Variants in EIF2A observed in about 807,000 individuals in gnomAD.
EIF2A encodes the protein 65 kDa eukaryotic translation initiation factor 2A.
Under a neutral mutation model 75.2 loss-of-function variants are expected in EIF2A, and 62 were observed. The ratio of observed to expected loss-of-function variants is 0.82; its 90% CI spans 0.67 to 1.02. The LOEUF (loss-of-function observed/expected upper bound fraction) is 1.02, where lower values mean the gene tolerates loss of function less well. EIF2A is among the 50% of genes least tolerant of loss of function. The pLI, the probability that EIF2A is intolerant of heterozygous loss-of-function variation, is 0.00. For synonymous variants in EIF2A, 207 were observed against 239.0 expected (o/e 0.87, Z 1.23); for missense variants, 611 against 677.7 (o/e 0.90, Z 1.09).
Position 150,572,281 on chromosome 3 carries a change from C to T in EIF2A, c.1135C>T (p.Pro379Ser). The T allele has an allele frequency of 6.2e-7, 1 of 1,613,878 alleles. No individual in the cohort carries two copies. Among genetic ancestry groups the T allele is most frequent in the South Asian group, 1.1e-5 (1 of 91,072 alleles). The change falls in exon 10 of 14, where the codon CCC (proline) becomes TCC (serine). Residue 379 changes from proline to serine, a missense_variant. By Grantham distance (74) the Pro-to-Ser change is moderately conservative. Transcript: ENST00000460851. The stretch of plus-strand genomic sequence containing the variant: ...GCATATTTTAACAGCTACATGTGCT[C>T]CCAGGTTACGGGTTAATAATGGATA... Reference protein sequence around the residue: ...GEHILTATCAPRLRVNNGYKI... With the variant: ...GEHILTATCASRLRVNNGYKI...
At chr3:150,565,117 C>T in intron 6 of EIF2A, 1 of 445,648 alleles carries the variant, frequency 2.2e-6, no homozygotes, top group Non-Finnish European at 4.5e-6. Context: ...TTCACGTTTT[C>T]CCATAGTTTG....
intron 2 of EIF2A, chr3:150,552,865 A>G (rs1380597503): frequency 6.5e-6 from 1 of 153,144 alleles, no homozygotes; most frequent in African/African-American, 2.4e-5. Context: ...CCAAAGAAAC[A>G]ATGGACAAGT....
intron 1 of EIF2A, chr3:150,547,147 G>A (rs927131491): frequency 3.6e-5 from 15 of 414,634 alleles, no homozygotes; most frequent in South Asian, 8.1e-5. Flanking sequence ...CAATACTGGT[G>A]TTACACGGGC....
intron 12 of EIF2A, among the ~76,000 whole-genome samples, chr3:150,582,340 A>T (rs1725236210): frequency 1.3e-5 from 2 of 148,630 alleles, no homozygotes; most frequent in Non-Finnish European, 3.0e-5. Context: ...TTTGAGACAG[A>T]GTCTTGCTCT....
Position 150,552,442 on chromosome 3 carries a change from TAAGTA to T in EIF2A, c.98+19_98+23del. On this transcript the variant is annotated intron_variant, in intron 2 of 13. Coordinates refer to ENST00000460851, the MANE Select transcript of EIF2A (RefSeq NM_032025.5). ...GTTTCCAAGGTATGATTTATTTTGTTAAGTAATGTTATAGGGAACATACAGTACAA... is the reference window on the plus strand; with the variant it reads ...GTTTCCAAGGTATGATTTATTTTGTTATGTTATAGGGAACATACAGTACAA... 1 of 1,547,478 alleles carries T rather than the reference TAAGTA, an allele frequency of 6.5e-7. No individual in the cohort carries two copies. The highest frequency in any genetic ancestry group is 8.7e-7 in the Non-Finnish European group (1 of 1,143,532).
chr3:150,546,961 C>T, intron 1 of EIF2A, 131 bp downstream of exon 1: 2 of 1,283,050 alleles, frequency 1.6e-6, no homozygotes, highest in Non-Finnish European at 2.2e-6. Context: ...AAAGGCCAGA[C>T]TGTTGGCTTT....
At chr3:150,552,131 G>A (rs1327669133) in intron 1 of EIF2A, among the ~76,000 whole-genome samples, 2 of 152,190 alleles carry the variant, frequency 1.3e-5, no homozygotes, top group African/African-American at 2.4e-5. Flanking sequence ...TGGTGACAAA[G>A]TTTCGAGTTT....
chr3:150,550,089 T>A (rs1439698081), intron 1 of EIF2A, among the ~76,000 whole-genome samples: 2 of 152,056 alleles, frequency 1.3e-5, no homozygotes, highest in Non-Finnish European at 2.9e-5. Flanking sequence ...TATGTAGATG[T>A]TTAATGTATT....
chr3:150,555,233 T>G (rs1447072656), intron 2 of EIF2A, among the ~76,000 whole-genome samples: 1 of 149,556 alleles, frequency 6.7e-6, no homozygotes, highest in Admixed American at 6.7e-5. Context: ...CTGGCCTGTA[T>G]GCACATTATT....
chr3:150,574,614 ATAT>A (rs1469482249), intron 10 of EIF2A, among the ~76,000 whole-genome samples: 1 of 152,216 alleles, frequency 6.6e-6, no homozygotes, highest in Non-Finnish European at 1.5e-5. Flanking sequence ...GGTTCTCATA[ATAT>A]TCAGTTTGTT....
At chr3:150,566,717 G>C (rs910634001) in intron 6 of EIF2A, 3 of 151,916 alleles carry the variant, frequency 2.0e-5, no homozygotes, top group Non-Finnish European at 4.4e-5. Flanking sequence ...TATTCATTTG[G>C]TTTGTTCCAC....
chr3:150,567,506 T>C (rs1724251257), intron 6 of EIF2A, 187 bp from the exon 7 acceptor site: 4 of 505,742 alleles, frequency 7.9e-6, no homozygotes, highest in East Asian at 3.3e-5. Flanking sequence ...TGAGTAGAAA[T>C]TGAAGCCTAC....
At chr3:150,547,287 G>A (rs992723734) in intron 1 of EIF2A, 4 of 188,804 alleles carry the variant, frequency 2.1e-5, no homozygotes, top group African/African-American at 9.3e-5. Context: ...CCTTAATGAG[G>A]TTTGTAGGAC....
Position 150,583,187 on chromosome 3 carries a change from T to G in EIF2A, c.1627-13T>G. On this transcript the variant is annotated splice_polypyrimidine_tract_variant and intron_variant, in intron 12 of 13. Coordinates refer to ENST00000460851, the MANE Select transcript of EIF2A (RefSeq NM_032025.5). ...TTTCTTCCATGCTCTTGACTCATAT[T>G]TGATGTTTGCAGAAACTGAAAGCAA... The G allele has an allele frequency of 6.2e-7, 1 of 1,609,918 alleles. No individual in the cohort carries two copies. Among genetic ancestry groups the G allele is most frequent in the Non-Finnish European group, 8.5e-7 (1 of 1,178,738 alleles).
chr3:150,583,583 CCCT>C (rs897480651), intron 13 of EIF2A, among the ~76,000 whole-genome samples: 112 of 152,184 alleles, frequency 7.4e-4, no homozygotes, highest in African/African-American at 2.5e-3. Flanking sequence ...TTTGCCTTTT[CCCT>C]CCTCCTGTCA....
chr3:150,573,734 T>G (rs1044483191), intron 10 of EIF2A, among the ~76,000 whole-genome samples: 1 of 152,052 alleles, frequency 6.6e-6, no homozygotes, highest in Non-Finnish European at 1.5e-5. Flanking sequence ...GTCAAGAAAT[T>G]ACTAGAAACA....
rs187355523 is a variant in EIF2A at position 150,558,941 on chromosome 3, C to T, written c.173+479C>T. Among the ~76,000 whole-genome samples the T allele has an allele frequency of 1.7e-4, 26 of 152,086 alleles. No homozygotes were observed. The East Asian group carries it at 5.0e-3, about 29-fold the overall frequency. ...AGTATAATATATGTTACATAAAATA[C>T]CAGTTTACAAAATTGGTCTTGCACA... On this transcript the variant is annotated intron_variant, in intron 3 of 13. Coordinates refer to ENST00000460851, the MANE Select transcript of EIF2A (RefSeq NM_032025.5).
At chr3:150,582,008 T>G (rs922059678) in intron 12 of EIF2A, among the ~76,000 whole-genome samples, 2 of 145,020 alleles carry the variant, frequency 1.4e-5, no homozygotes, top group African/African-American at 5.0e-5. Flanking sequence ...TACTGAACAC[T>G]TTTTTTTTTT....
In EIF2A at chr3:150,564,314, A is replaced by G; in HGVS notation, c.408A>G (p.Ser136=). The change falls in exon 6 of 14, where the codon TCA becomes TCG. Residue 136 remains serine (S), a synonymous_variant. Transcript: ENST00000460851. ...KKMQNWCPSW[S]EDETLCARNV... Reference sequence around the variant, plus strand: ...ATTGACATAGGTGTCCATCCTGGTCAGAAGATGAAACTCTTTGTGCCCGCA... The same window carrying G: ...ATTGACATAGGTGTCCATCCTGGTCGGAAGATGAAACTCTTTGTGCCCGCA... 1 of 1,593,916 alleles carries G rather than the reference A, an allele frequency of 6.3e-7. No homozygotes were observed. The highest frequency in any genetic ancestry group is 8.5e-7 in the Non-Finnish European group (1 of 1,172,738).
Sources: gnomAD v4.1 joint callset for allele counts (sites outside exome capture counted in the v4.1 genomes callset) on GRCh38, gnomAD v4.1.1 for gene constraint, MANE v1.5 for transcripts, NCBI Gene and HGNC (gene_info 2026-07-23, HGNC 2026-07-21) for gene names.